CDH12: variants seen among roughly 807,000 people sequenced by gnomAD.
CDH12 encodes the protein cadherin-12.
Under a neutral mutation model 74.1 loss-of-function variants are expected in CDH12, and 41 were observed. That is an observed-to-expected ratio of 0.55 (90% CI 0.43 to 0.72). The LOEUF is 0.72. CDH12 is among the 30% of genes least tolerant of loss of function. The probability of loss-of-function intolerance (pLI) is 0.00; values close to 1 mark genes in which losing one functional copy is unlikely to be tolerated. For missense variants in CDH12, 945 were observed against 977.2 expected (o/e 0.97, Z 0.44); for synonymous variants, 399 against 355.0 (o/e 1.12, Z -1.39).
chr5:22,105,571 A>C (rs535262517), intron 4 of CDH12, among the ~76,000 whole-genome samples: 1 of 151,562 alleles, frequency 6.6e-6, no homozygotes, highest in East Asian at 2.0e-4. Context: ...GGTGTTCTGC[A>C]CCTGTAGTTT....
At chr5:22,579,709 C>A (rs1739982732) in intron 1 of CDH12, among the ~76,000 whole-genome samples, 1 of 152,052 alleles carries the variant, frequency 6.6e-6, no homozygotes, top group Admixed American at 6.6e-5. Context: ...AGTGTTAGAG[C>A]AGAAAATAAA....
intron 3 of CDH12, among the ~76,000 whole-genome samples, chr5:22,320,894 G>A (rs1409836499): frequency 6.6e-6 from 1 of 152,080 alleles, no homozygotes; most frequent in Non-Finnish European, 1.5e-5. Context: ...CTGAAGTGGG[G>A]GTCAGAACAT....
chr5:22,815,820 A>T (rs1289452366), intron 1 of CDH12, among the ~76,000 whole-genome samples: 1 of 151,446 alleles, frequency 6.6e-6, no homozygotes, highest in Non-Finnish European at 1.5e-5. Flanking sequence ...ACATGAAAAC[A>T]TACTACCGGT....
intron 3 of CDH12, among the ~76,000 whole-genome samples, chr5:22,219,721 C>A (rs560393155): frequency 1.3e-5 from 2 of 151,590 alleles, no homozygotes; most frequent in South Asian, 4.2e-4. Context: ...AGTTCACTGC[C>A]TAGGATTGCA....
chr5:22,421,897 G>T (rs982996928), intron 2 of CDH12, among the ~76,000 whole-genome samples: 2 of 152,128 alleles, frequency 1.3e-5, no homozygotes, highest in Non-Finnish European at 2.9e-5. Context: ...GTGTGAGAAG[G>T]TATCTCATTT....
intron 1 of CDH12, among the ~76,000 whole-genome samples, chr5:22,630,051 G>T (rs1738502844): frequency 1.3e-5 from 2 of 152,050 alleles, no homozygotes; most frequent in Non-Finnish European, 2.9e-5. Context: ...AGCTAAGCAG[G>T]AAGGTGAAAG....
At chr5:22,807,769 A>G (rs138010233) in intron 1 of CDH12, among the ~76,000 whole-genome samples, 2 of 152,178 alleles carry the variant, frequency 1.3e-5, no homozygotes, top group African/African-American at 4.8e-5. Flanking sequence ...AAATAAGATT[A>G]AAAATTGCAC....
At chr5:22,381,956 TTATAA>T (rs1158820343) in intron 3 of CDH12, among the ~76,000 whole-genome samples, 1 of 149,902 alleles carries the variant, frequency 6.7e-6, no homozygotes, top group Non-Finnish European at 1.5e-5. Flanking sequence ...GAGAAGTTCC[TTATAA>T]TATATAACAA....
chr5:22,314,774 AC>A (rs1738541067), intron 3 of CDH12, among the ~76,000 whole-genome samples: 1 of 151,974 alleles, frequency 6.6e-6, no homozygotes, highest in African/African-American at 2.4e-5. Flanking sequence ...AAACATACAA[AC>A]CAAAAAAGGA....
In CDH12 at chr5:22,317,896, T is replaced by A. The variant is rs147973321; in HGVS notation, c.-333+87361A>T. Among the ~76,000 whole-genome samples the A allele has an allele frequency of 1.7e-3, 262 of 152,332 alleles. 2 individuals are homozygous for A. The East Asian group carries it at 0.019, about 11-fold the overall frequency. ...GACAGACAGCAAGATTCACTTGCAA[T>A]CTGTATTTTTGGCCTAAAACTACAA... On this transcript the variant is annotated intron_variant, in intron 3 of 14. Coordinates refer to ENST00000382254, the MANE Select transcript of CDH12 (RefSeq NM_004061.5).
chr5:22,116,675 C>T (rs1326403188), intron 4 of CDH12, among the ~76,000 whole-genome samples: 4 of 151,718 alleles, frequency 2.6e-5, no homozygotes, highest in Non-Finnish European at 5.9e-5. Flanking sequence ...TGGTTTTAGC[C>T]TAGTGATGCC....
At chr5:22,517,816 C>A (rs772105909) in intron 1 of CDH12, among the ~76,000 whole-genome samples, 3 of 152,150 alleles carry the variant, frequency 2.0e-5, no homozygotes, top group Non-Finnish European at 4.4e-5. Context: ...TCTCTATTCA[C>A]ATTTTACTAG....
At chr5:22,283,488 A>G (rs945156457) in intron 3 of CDH12, among the ~76,000 whole-genome samples, 3 of 151,980 alleles carry the variant, frequency 2.0e-5, no homozygotes, top group Admixed American at 1.3e-4. Flanking sequence ...TGAATTTTGA[A>G]GGCATTTTGA....
chr5:22,111,577 C>G (rs1744820013), intron 4 of CDH12, among the ~76,000 whole-genome samples: 2 of 152,182 alleles, frequency 1.3e-5, no homozygotes, highest in Non-Finnish European at 2.9e-5. Context: ...CACAGTTGCA[C>G]TTTTATATAA....
At chr5:22,071,492 G>T (rs1423341622) in intron 5 of CDH12, among the ~76,000 whole-genome samples, 8 of 152,028 alleles carry the variant, frequency 5.3e-5, no homozygotes, top group Non-Finnish European at 8.8e-5. Context: ...TTCAACATTT[G>T]TTGTCATTCC....
At chr5:22,531,266 G>C (rs970429988) in intron 1 of CDH12, among the ~76,000 whole-genome samples, 4 of 152,094 alleles carry the variant, frequency 2.6e-5, no homozygotes, top group Non-Finnish European at 4.4e-5. Flanking sequence ...AGAGAGGGTA[G>C]AGAGGAGATT....
chr5:22,104,916 A>C (rs1744339399), intron 4 of CDH12, among the ~76,000 whole-genome samples: 1 of 152,078 alleles, frequency 6.6e-6, no homozygotes, highest in Non-Finnish European at 1.5e-5. Flanking sequence ...CATTCTGGTG[A>C]AATTAAGGTG....
chr5:21,880,616 C>CTCTCTCTCT (rs1752255658), intron 6 of CDH12, among the ~76,000 whole-genome samples: 1 of 50,810 alleles, frequency 2.0e-5, no homozygotes, highest in Admixed American at 2.4e-4. Flanking sequence ...TCCTTCCTTC[C>CTCTCTCTCT]TTCTTTCTTT....
chr5:22,753,415 A>C (rs1486089902), intron 1 of CDH12, among the ~76,000 whole-genome samples: 1 of 149,496 alleles, frequency 6.7e-6, no homozygotes, highest in Non-Finnish European at 1.5e-5. Context: ...TTAGCCTGGG[A>C]GACAGAGCGA....
Sources: allele counts gnomAD v4.1 joint callset (sites outside exome capture counted in the v4.1 genomes callset), GRCh38; gene constraint gnomAD v4.1.1; transcripts MANE v1.5; gene names NCBI Gene and HGNC (gene_info 2026-07-23, HGNC 2026-07-21).